Variants in GOLGA4 observed in about 807,000 individuals in gnomAD.
The protein encoded by GOLGA4 is golgin A4.
A neutral mutation model predicts 265.9 loss-of-function variants in GOLGA4; 169 were observed. The observed-to-expected ratio is 0.64, with a 90% CI of 0.56 to 0.72. GOLGA4 has a LOEUF of 0.72. GOLGA4 is among the 30% of genes least tolerant of loss of function. The pLI is 0.00. For synonymous variants in GOLGA4, 923 were observed against 855.8 expected, an observed-to-expected ratio of 1.08 and a Z score of -1.37; for missense variants, 2,482 against 2,483.4, an observed-to-expected ratio of 1.00 and a Z score of 0.01.
At chr3:37,244,257 C>T (rs1560258584) in intron 1 of GOLGA4, 6 of 152,316 alleles carry the variant, frequency 3.9e-5, no homozygotes, top group Admixed American at 2.6e-4. Flanking sequence ...AGTCACTTCG[C>T]ATAACTTGGT....
chr3:37,258,422 G>A lies in GOLGA4; in HGVS notation c.162+6938G>A, dbSNP rs145258679. ...AGCTCACTGCAACCTCTACCTCCCA[G>A]GTTCAAGTGATTCTCCTGCCTCAGC... is the stretch of plus-strand genomic sequence containing the variant. On this transcript the variant is annotated intron_variant, in intron 2 of 23. Transcript: ENST00000361924. Among the ~76,000 whole-genome samples, 742 of 152,000 alleles carry A rather than the reference G, an allele frequency of 4.9e-3. 2 individuals carry two copies. The highest frequency in any genetic ancestry group is 0.017 in the African/African-American group (704 of 41,448).
chr3:37,348,744 T>G (rs1386191869), intron 21 of GOLGA4, among the ~76,000 whole-genome samples: 2 of 152,202 alleles, frequency 1.3e-5, no homozygotes, highest in Admixed American at 1.3e-4. Context: ...TATTTAGCTT[T>G]TTCTTGATCT....
chr3:37,363,850 T>A (rs1159364565), intron 23 of GOLGA4, among the ~76,000 whole-genome samples: 1 of 152,358 alleles, frequency 6.6e-6, no homozygotes, highest in African/African-American at 2.4e-5. Flanking sequence ...TAGTCTTTTT[T>A]AAACTAGAAA....
chr3:37,243,655 C>T lies in GOLGA4; in HGVS notation c.72+33C>T, dbSNP rs776090420. The T allele has an allele frequency of 3.2e-6, 5 of 1,579,332 alleles. No homozygotes were observed. In the South Asian group the frequency reaches 3.3e-5, roughly 10 times the overall value. On this transcript the variant is annotated intron_variant, in intron 1 of 23. Transcript: ENST00000361924. ...GGCCGCCGCTCTCCTCCCCTGGTTC[C>T]GAATACCTCTTGAACCGGCCCGCGG... is the stretch of plus-strand genomic sequence containing the variant.
chr3:37,316,563 TG>T (rs1452323413), intron 11 of GOLGA4, among the ~76,000 whole-genome samples: 47 of 152,226 alleles, frequency 3.1e-4, no homozygotes, highest in Non-Finnish European at 7.3e-5. Context: ...TATAACTGCC[TG>T]ACTATATTTT....
chr3:37,271,950 C>T (rs1050125815), intron 2 of GOLGA4, among the ~76,000 whole-genome samples: 2 of 152,040 alleles, frequency 1.3e-5, no homozygotes, highest in Admixed American at 6.6e-5. Flanking sequence ...ACTGTGCATA[C>T]GGGGGATCTA....
chr3:37,310,705 A>T (rs537064107), intron 10 of GOLGA4, among the ~76,000 whole-genome samples: 1 of 152,182 alleles, frequency 6.6e-6, no homozygotes, highest in South Asian at 2.1e-4. Context: ...GATTGACCTA[A>T]AAGTATTTTT....
chr3:37,251,413 A>T lies in GOLGA4; in HGVS notation c.91A>T (p.Thr31Ser). 6.2e-7 allele frequency: 1 copy of T among 1,611,606 alleles called. No individual in the cohort carries two copies. The change falls in exon 2 of 24, where the codon ACA becomes TCA. Residue 31 changes from threonine (T) to serine (S), a missense_variant. Thr to Ser is a moderately conservative substitution (Grantham distance 58). This residue lies in a region of GOLGA4 where 1,536 missense variants were observed against 1,483.7 expected (regional missense o/e 1.04). Transcript: ENST00000361924. ...AATCTAGGCGTCCTCCAATTCTTCA[A>T]CACCAACAAGAATGAGGAGCAGGAC... Reference protein sequence around the residue: ...APAQASSNSSTPTRMRSRTSS... With the variant: ...APAQASSNSSSPTRMRSRTSS...
intron 2 of GOLGA4, among the ~76,000 whole-genome samples, chr3:37,279,180 C>T (rs897814086): frequency 3.0e-4 from 45 of 152,162 alleles, no homozygotes; most frequent in African/African-American, 1.1e-3. Flanking sequence ...GCCTGTGGAC[C>T]CTCTTATTAC....
chr3:37,361,729 C>CTT (rs1696287711), intron 23 of GOLGA4, among the ~76,000 whole-genome samples: 1 of 152,100 alleles, frequency 6.6e-6, no homozygotes, highest in South Asian at 2.1e-4. Context: ...TCCTGTAAAG[C>CTT]CTGAGTCAAG....
At chr3:37,260,352 T>C (rs2096766152) in intron 2 of GOLGA4, among the ~76,000 whole-genome samples, 1 of 148,696 alleles carries the variant, frequency 6.7e-6, no homozygotes, top group Non-Finnish European at 1.5e-5. Flanking sequence ...CCAGGTGTGG[T>C]GGCTCATGCC....
intron 1 of GOLGA4, 70 bp downstream of exon 1, chr3:37,243,692 G>T (rs941104608): frequency 2.3e-5 from 29 of 1,264,280 alleles, no homozygotes; most frequent in African/African-American, 4.5e-5. Flanking sequence ...CGAAAGAGGC[G>T]GGGGGAGTGG....
intron 12 of GOLGA4, among the ~76,000 whole-genome samples, chr3:37,320,810 A>C (rs1378269214): frequency 6.6e-6 from 1 of 152,170 alleles, no homozygotes; most frequent in Admixed American, 6.5e-5. Flanking sequence ...CCCTTTTCTT[A>C]ATTCAGTGGA....
intron 2 of GOLGA4, among the ~76,000 whole-genome samples, chr3:37,278,346 C>A (rs1210331810): frequency 6.6e-6 from 1 of 151,950 alleles, no homozygotes; most frequent in East Asian, 1.9e-4. Context: ...ATTGCAGGCA[C>A]CTGACACCAC....
Position 37,243,288 on chromosome 3 carries a change from T to TGTC in GOLGA4, c.-258_-256dup. On this transcript the variant is annotated 5_prime_UTR_variant, in exon 1 of 24. Coordinates refer to ENST00000361924, the MANE Select transcript of GOLGA4 (RefSeq NM_002078.5). ...TGGCGCACAGTTCACCTGCTGCCGT[T>TGTC]GTCGTCGCCGCCGCGGCTCCCGGGG... 3.7e-6 allele frequency: 2 copies of TGTC among 536,576 alleles called. No individual in the cohort carries two copies. Among genetic ancestry groups the TGTC allele is most frequent in the Non-Finnish European group, 6.6e-6 (2 of 302,762 alleles). 33.2% of individuals were successfully genotyped at this position (536,576 alleles called of 1,614,324 possible).
At chr3:37,259,733 C>A (rs575927866) in intron 2 of GOLGA4, among the ~76,000 whole-genome samples, 6 of 152,298 alleles carry the variant, frequency 3.9e-5, no homozygotes, top group Non-Finnish European at 8.8e-5. Context: ...CTTCGCAAAA[C>A]CTCCTTGAAT....
At position 37,326,858 on chromosome 3, in the gene GOLGA4, C is replaced by T; in HGVS notation, c.4972C>T (p.Gln1658Ter). The change falls in exon 14 of 24, where the codon CAA (glutamine) becomes TAA (stop). Residue 1658 changes from glutamine (Q) to a stop codon, truncating the protein, a stop_gained. Transcript: ENST00000361924. LOFTEE classifies it high-confidence loss of function. ...IAAIKKQLLS[Q>*]MEEKEEQYKK... ...TGCCATTAAGAAGCAGTTGTTATCTCAAATGGAAGAGAAAGAAGAACAGTA... is the reference window on the plus strand; with the variant it reads ...TGCCATTAAGAAGCAGTTGTTATCTTAAATGGAAGAGAAAGAAGAACAGTA... 1 of 1,613,448 alleles carries T rather than the reference C, an allele frequency of 6.2e-7. No homozygotes were observed. The highest frequency in any genetic ancestry group is 8.5e-7 in the Non-Finnish European group (1 of 1,179,754).
chr3:37,358,906 G>A (rs955057983), intron 22 of GOLGA4, among the ~76,000 whole-genome samples: 8 of 152,068 alleles, frequency 5.3e-5, no homozygotes, highest in Non-Finnish European at 8.8e-5. Context: ...ATAACTTAGC[G>A]CAAACTGTTT....
chr3:37,254,939 C>T (rs1207608691), intron 2 of GOLGA4, among the ~76,000 whole-genome samples: 1 of 148,338 alleles, frequency 6.7e-6, no homozygotes, highest in African/African-American at 2.5e-5. Context: ...TTTAAATTAA[C>T]TTATACCCTA....
Sources: allele counts gnomAD v4.1 joint callset (sites outside exome capture counted in the v4.1 genomes callset), GRCh38; gene constraint gnomAD v4.1.1; regional missense constraint gnomAD v4.1.1; transcripts MANE v1.5; gene names NCBI Gene and HGNC (gene_info 2026-07-23, HGNC 2026-07-21).